The following SPOCK2 variants were observed in gnomAD, a reference collection of about 807,000 sequenced individuals.
The protein encoded by SPOCK2 is SPARC (osteonectin), cwcv and kazal like domains proteoglycan 2, also known as testican-2.
SPOCK2 carries 39 observed loss-of-function variants against 60.1 expected under a neutral mutation model. The observed-to-expected ratio is 0.65, with a 90% CI of 0.50 to 0.85. The LOEUF is 0.85. SPOCK2 is among the 40% of genes least tolerant of loss of function. The probability of loss-of-function intolerance (pLI) is 0.00; values close to 1 mark genes in which losing one functional copy is unlikely to be tolerated. For synonymous variants in SPOCK2, 217 were observed against 231.5 expected (o/e 0.94, Z 0.57); for missense variants, 523 against 567.4 (o/e 0.92, Z 0.80).
chr10:72,066,711 C>G (rs1021994372), intron 8 of SPOCK2, among the ~76,000 whole-genome samples, 191 bp downstream of exon 8: 1 of 152,134 alleles, frequency 6.6e-6, no homozygotes, highest in African/African-American at 2.4e-5. Flanking sequence ...AGGAAGGGAG[C>G]TGAAAGTGTT....
At position 72,087,949 on chromosome 10, in the gene SPOCK2, CGGCCCGGGCCGCA is replaced by C. The variant is rs930103338; in HGVS notation, c.189+178_189+190del. Among the ~76,000 whole-genome samples the C allele has an allele frequency of 2.0e-4, 30 of 152,110 alleles. No individual in the cohort carries two copies. The highest frequency in any genetic ancestry group is 4.0e-4 in the Non-Finnish European group (27 of 67,944). On this transcript the variant is annotated intron_variant, in intron 1 of 10. Transcript: ENST00000373109. This position sits in a 1 kb window ranked among gnomAD's most constrained non-coding sequence, Gnocchi z 4.7. The stretch of plus-strand genomic sequence containing the variant: ...CGGGGCTGGGGGGTCCCAGGGCCGC[CGGCCCGGGCCGCA>C]GGGACAGGGGAGGGGCGCTGGGCTG...
intron 1 of SPOCK2, among the ~76,000 whole-genome samples, chr10:72,084,779 G>A (rs1202368607): frequency 6.6e-6 from 1 of 152,180 alleles, no homozygotes; most frequent in Non-Finnish European, 1.5e-5. Flanking sequence ...ATGGTAGGCT[G>A]TAAAGTAACA....
chr10:72,062,745 G>A lies in SPOCK2; in HGVS notation c.*15C>T, dbSNP rs199777791. 93 of 1,590,638 alleles carry A rather than the reference G, an allele frequency of 5.8e-5. No homozygotes were observed. The highest frequency in any genetic ancestry group is 7.0e-5 in the Non-Finnish European group (82 of 1,174,500). Reference sequence around the variant, plus strand: ...TGCTGTTGAGTCCCCCCCGGCAGCCGGCTCCTGAGGGCGTCTACCAGATGT... The same window carrying A: ...TGCTGTTGAGTCCCCCCCGGCAGCCAGCTCCTGAGGGCGTCTACCAGATGT... On this transcript the variant is annotated 3_prime_UTR_variant, in exon 11 of 11. Coordinates refer to ENST00000373109, the MANE Select transcript of SPOCK2 (RefSeq NM_001244950.2). The surrounding 1 kb of genome is among the most constrained non-coding windows in gnomAD (Gnocchi z 4.3).
upstream of SPOCK2, chr10:72,088,671 C>A: frequency 4.8e-6 from 1 of 209,048 alleles, no homozygotes; most frequent in Non-Finnish European, 9.4e-6. Context: ...GAAGCGCTCC[C>A]TCGATGAGAG....
intron 1 of SPOCK2, among the ~76,000 whole-genome samples, chr10:72,075,714 C>G (rs1840707518): frequency 6.6e-6 from 1 of 152,184 alleles, no homozygotes; most frequent in Non-Finnish European, 1.5e-5. Context: ...AAAGCACTGC[C>G]CCCGGTTCCA....
rs1383218243 is a variant in SPOCK2, at chr10:72,087,930, T to TG, written c.189+209dup. ...GGTGTGGAGCTGGGGGTCCCGGGGC[T>TG]GGGGGGTCCCAGGGCCGCCGGCCCG... On this transcript the variant is annotated intron_variant, in intron 1 of 10. Coordinates refer to ENST00000373109, the MANE Select transcript of SPOCK2 (RefSeq NM_001244950.2). This position sits in a 1 kb window ranked among gnomAD's most constrained non-coding sequence, Gnocchi z 4.7. Among the ~76,000 whole-genome samples the TG allele has an allele frequency of 2.0e-5, 3 of 151,288 alleles. No homozygotes were observed. Among genetic ancestry groups the TG allele is most frequent in the Admixed American group, 1.3e-4 (2 of 15,236 alleles).
chr10:72,086,322 T>G, intron 1 of SPOCK2: 2 of 991,972 alleles, frequency 2.0e-6, no homozygotes, highest in Non-Finnish European at 2.4e-6. Context: ...TGCCATGGGG[T>G]CAAGCAGTAA....
At chr10:72,078,045 G>T (rs1479081441) in intron 1 of SPOCK2, among the ~76,000 whole-genome samples, 2 of 152,308 alleles carry the variant, frequency 1.3e-5, no homozygotes, top group South Asian at 2.1e-4. Context: ...TGGGGAAAAA[G>T]AAAGTGAGTA....
chr10:72,064,384 GGT>G (rs1479834105), intron 8 of SPOCK2, 144 bp from the exon 9 acceptor site: 3 of 887,376 alleles, frequency 3.4e-6, no homozygotes, highest in Non-Finnish European at 4.9e-6. Flanking sequence ...CCACAGCAGG[GGT>G]GGGAAGTACA....
At chr10:72,070,690 C>A (rs115391018) in intron 4 of SPOCK2, among the ~76,000 whole-genome samples, 4,559 of 152,128 alleles carry the variant, frequency 0.03, 257 homozygotes, top group African/African-American at 0.1. Flanking sequence ...CTTCAGGTAG[C>A]AACTCCAGGT....
At chr10:72,078,241 C>T (rs909491934) in intron 1 of SPOCK2, among the ~76,000 whole-genome samples, 21 of 152,214 alleles carry the variant, frequency 1.4e-4, no homozygotes, top group African/African-American at 2.6e-4. Context: ...ATAGGCCAGG[C>T]GCGGTGGCTC....
At chr10:72,067,235 T>A in intron 7 of SPOCK2, 115 bp from the exon 8 acceptor site, 1 of 1,085,402 alleles carries the variant, frequency 9.2e-7, no homozygotes, top group Non-Finnish European at 1.3e-6. Flanking sequence ...CTGGGCAGCT[T>A]GGAATCTAAC....
At chr10:72,070,280 C>T (rs747502151) in intron 5 of SPOCK2, 32 bp downstream of exon 5, 1 of 1,607,138 alleles carries the variant, frequency 6.2e-7, no homozygotes, top group Non-Finnish European at 8.5e-7. Flanking sequence ...GGTGACTCCA[C>T]CCCCACCCTA....
chr10:72,086,625 G>T, intron 1 of SPOCK2: 1 of 1,207,514 alleles, frequency 8.3e-7, no homozygotes, highest in Non-Finnish European at 1.0e-6. Context: ...GCCTGCAGGT[G>T]CTTCGGGAAG....
intron 1 of SPOCK2, 95 bp from the exon 2 acceptor site, chr10:72,073,005 C>A: frequency 6.6e-7 from 1 of 1,526,244 alleles, no homozygotes; most frequent in South Asian, 1.2e-5. Flanking sequence ...TCTGGTGTTC[C>A]TGGGGTCCCC....
At chr10:72,073,114 G>C (rs995051408) in intron 1 of SPOCK2, among the ~76,000 whole-genome samples, 2 of 152,166 alleles carry the variant, frequency 1.3e-5, no homozygotes, top group African/African-American at 4.8e-5. Flanking sequence ...CTTCATCACA[G>C]AGCTCAAGAC....
Position 72,087,605 on chromosome 10 carries a change from C to T in SPOCK2, c.189+535G>A, listed in dbSNP as rs375123673. On this transcript the variant is annotated intron_variant, in intron 1 of 10. Coordinates refer to ENST00000373109, the MANE Select transcript of SPOCK2 (RefSeq NM_001244950.2). The surrounding 1 kb of genome is among the most constrained non-coding windows in gnomAD (Gnocchi z 4.7). ...CCCCAGACCCAGAGCCCCGGTCACACTCCCGTCCCATGCTGTCCCCCTCCC... is the reference window on the plus strand; with the variant it reads ...CCCCAGACCCAGAGCCCCGGTCACATTCCCGTCCCATGCTGTCCCCCTCCC... 4.6e-5 allele frequency among the ~76,000 whole-genome samples: 7 copies of T among 152,340 alleles called. No individual in the cohort carries two copies. Among genetic ancestry groups the T allele is most frequent in the African/African-American group, 1.7e-4 (7 of 41,584 alleles).
At position 72,064,232 on chromosome 10, in the gene SPOCK2, A is replaced by AG. The variant is rs1430526683; in HGVS notation, c.936dup (p.Cys313LeufsTer37). ...TGGATGCGCTCCAGCTCTGCCAGGC[A>AG]GGGGGGCTCTGTGGGGAGAGAAGCA... On this transcript the variant is annotated frameshift_variant, in exon 9 of 11. Coordinates refer to ENST00000373109, the MANE Select transcript of SPOCK2 (RefSeq NM_001244950.2). LOFTEE classifies it high-confidence loss of function. 6.2e-7 allele frequency: 1 copy of AG among 1,601,562 alleles called. No individual in the cohort carries two copies.
At chr10:72,084,728 G>A (rs964830898) in intron 1 of SPOCK2, among the ~76,000 whole-genome samples, 3 of 152,126 alleles carry the variant, frequency 2.0e-5, no homozygotes, top group African/African-American at 7.2e-5. Flanking sequence ...TTGACCTTTG[G>A]GTAAATTACT....
Sources: allele counts gnomAD v4.1 joint callset (sites outside exome capture counted in the v4.1 genomes callset), GRCh38; gene constraint gnomAD v4.1.1; non-coding constraint Gnocchi (gnomAD v3.1); transcripts MANE v1.5; gene names NCBI Gene and HGNC (gene_info 2026-07-23, HGNC 2026-07-21).